The following FMN1 variants were observed in gnomAD, a reference collection of about 807,000 sequenced individuals.
The protein encoded by FMN1 is formin-1.
Under a neutral mutation model 132.4 loss-of-function variants are expected in FMN1, and 110 were observed. The observed-to-expected ratio is 0.83, with a 90% confidence interval of 0.71 to 0.97. FMN1 has a LOEUF of 0.97. Ranked by LOEUF, FMN1 falls within the 50% of genes least tolerant of loss-of-function variation. FMN1 has a pLI of 0.00. For synonymous variants in FMN1, 722 were observed against 651.7 expected (o/e 1.11, Z -1.64); for missense variants, 1,792 against 1,705.3 (o/e 1.05, Z -0.90).
chr15:32,964,825 T>C (rs937234118), intron 8 of FMN1, among the ~76,000 whole-genome samples: 8 of 152,184 alleles, frequency 5.3e-5, no homozygotes, highest in Admixed American at 3.9e-4. Flanking sequence ...ACATGATTCA[T>C]AGTATCTCAG....
rs1188521325 is a variant in FMN1, at chr15:32,990,222, A to G, written c.2223+17792T>C. On this transcript the variant is annotated intron_variant, in intron 7 of 20. Coordinates refer to ENST00000616417, the MANE Select transcript of FMN1 (RefSeq NM_001277313.2). ...AAGGGAAATCTCCAAGAGACAAAAT[A>G]TAAAAGGTCAGGTGACTAACCAGCC... 2.6e-5 allele frequency among the ~76,000 whole-genome samples: 4 copies of G among 152,202 alleles called. No homozygotes were observed. The East Asian group carries it at 5.8e-4, about 22-fold the overall frequency.
intron 10 of FMN1, among the ~76,000 whole-genome samples, chr15:32,915,735 A>C (rs929773433): frequency 2.6e-5 from 4 of 152,212 alleles, no homozygotes; most frequent in Non-Finnish European, 5.9e-5. Flanking sequence ...TCAAGTCCAC[A>C]AAGGGGAGAC....
At chr15:33,177,943 G>GGTTA (rs1965569931) in intron 3 of FMN1, among the ~76,000 whole-genome samples, 1 of 152,180 alleles carries the variant, frequency 6.6e-6, no homozygotes. Flanking sequence ...AGGAGGCAGA[G>GGTTA]GTTACAGTGA....
intron 9 of FMN1, among the ~76,000 whole-genome samples, chr15:32,935,090 T>G (rs915733422): frequency 2.0e-5 from 3 of 151,628 alleles, no homozygotes; most frequent in African/African-American, 7.3e-5. Flanking sequence ...CCTGGCTAAT[T>G]TTTTGTATTT....
At chr15:33,064,371 T>C (rs2037620219) in intron 6 of FMN1, 1 of 152,220 alleles carries the variant, frequency 6.6e-6, no homozygotes, top group African/African-American at 2.4e-5. Flanking sequence ...TCCACTTAAA[T>C]AGTAACCATA....
intron 17 of FMN1, among the ~76,000 whole-genome samples, chr15:32,835,009 G>C (rs1596041448): frequency 2.0e-5 from 3 of 152,216 alleles, no homozygotes; most frequent in South Asian, 4.1e-4. Context: ...CTCTCAGAGG[G>C]AAGGCATCAC....
chr15:33,164,745 T>C (rs1965030547), intron 3 of FMN1, among the ~76,000 whole-genome samples: 1 of 152,226 alleles, frequency 6.6e-6, no homozygotes, highest in Non-Finnish European at 1.5e-5. Context: ...CTACAGGAGA[T>C]GTATGAGTAT....
At chr15:32,966,761 T>C (rs1463560690) in intron 8 of FMN1, among the ~76,000 whole-genome samples, 1 of 152,228 alleles carries the variant, frequency 6.6e-6, no homozygotes, top group East Asian at 1.9e-4. Context: ...TATGATGCAA[T>C]CATTATATAA....
chr15:33,062,243 T>G (rs2037517555), intron 6 of FMN1, among the ~76,000 whole-genome samples: 1 of 152,184 alleles, frequency 6.6e-6, no homozygotes, highest in African/African-American at 2.4e-5. Context: ...ATAAAATACT[T>G]ATAGACAAAG....
chr15:33,059,412 G>A (rs1438042264), intron 6 of FMN1, among the ~76,000 whole-genome samples: 1 of 152,136 alleles, frequency 6.6e-6, no homozygotes, highest in Non-Finnish European at 1.5e-5. Context: ...TATATGCCCA[G>A]AAGTGTGATT....
chr15:33,064,883 G>T, intron 6 of FMN1, 74 bp downstream of exon 6: 1 of 999,776 alleles, frequency 1.0e-6, no homozygotes. Context: ...AATTCTGAGA[G>T]TCAACTAAGC....
intron 7 of FMN1, among the ~76,000 whole-genome samples, chr15:32,990,935 C>T (rs1203380894): frequency 2.6e-5 from 4 of 152,086 alleles, no homozygotes; most frequent in African/African-American, 9.7e-5. Flanking sequence ...TAATTACCTC[C>T]CACCAGGTTC....
intron 15 of FMN1, among the ~76,000 whole-genome samples, chr15:32,893,831 A>G (rs1373353206): frequency 2.6e-5 from 4 of 152,248 alleles, no homozygotes; most frequent in African/African-American, 9.6e-5. Context: ...TTCAACCACA[A>G]CTATATTCCA....
At chr15:32,958,959 C>T (rs770337641) in intron 9 of FMN1, among the ~76,000 whole-genome samples, 39 of 149,210 alleles carry the variant, frequency 2.6e-4, no homozygotes, top group Non-Finnish European at 5.3e-4. Context: ...GGACAATCGG[C>T]TTGAACCTGG....
At chr15:33,041,392 A>T (rs1157095404) in intron 6 of FMN1, among the ~76,000 whole-genome samples, 9 of 29,144 alleles carry the variant, frequency 3.1e-4, no homozygotes, top group East Asian at 3.6e-4. Context: ...TCACCAGTTA[A>T]AAAAAAAAAA....
chr15:33,172,927 T>C (rs1965383422), intron 3 of FMN1, among the ~76,000 whole-genome samples: 1 of 151,872 alleles, frequency 6.6e-6, no homozygotes, highest in Non-Finnish European at 1.5e-5. Context: ...AAGAAGAGAA[T>C]AGGGAAGGGA....
In FMN1 at chr15:32,842,591, A is replaced by G. The variant is rs536841035; in HGVS notation, c.3928+14424T>C. Reference sequence around the variant, plus strand: ...GTTCCTTTTGCTCATCATTGTATTCATAACATGCAGCACAGTGCCTAGAAC... The same window carrying G: ...GTTCCTTTTGCTCATCATTGTATTCGTAACATGCAGCACAGTGCCTAGAAC... On this transcript the variant is annotated intron_variant, in intron 17 of 20. Coordinates refer to ENST00000616417, the MANE Select transcript of FMN1 (RefSeq NM_001277313.2). 1.9e-3 allele frequency among the ~76,000 whole-genome samples: 276 copies of G among 145,380 alleles called. 4 individuals are homozygous for G. Among genetic ancestry groups the G allele is most frequent in the African/African-American group, 6.1e-3 (244 of 39,844 alleles).
In FMN1 at chr15:33,023,069, AAAAAAAAAG is replaced by A. The variant is rs1185674148; in HGVS notation, c.2162-15003_2162-14995del. ...TCCCCCTCCCCCACCCAAAAAAAAA[AAAAAAAAAG>A]AAAAAAAAGACCAAACCTCAAATCC... is the stretch of plus-strand genomic sequence containing the variant. On this transcript the variant is annotated intron_variant, in intron 6 of 20. Transcript: ENST00000616417. Among the ~76,000 whole-genome samples the A allele has an allele frequency of 2.7e-4, 17 of 63,670 alleles. 1 individual carries two copies. The South Asian group carries it at 5.0e-3, about 19-fold the overall frequency. 41.8% of individuals were successfully genotyped at this position (63,670 alleles called of 152,430 possible).
At chr15:33,015,385 G>A (rs1196000859) in intron 6 of FMN1, among the ~76,000 whole-genome samples, 3 of 152,266 alleles carry the variant, frequency 2.0e-5, no homozygotes, top group East Asian at 3.9e-4. Context: ...GGCTGGCACC[G>A]ACAAGTTCTG....
Sources: allele counts gnomAD v4.1 joint callset (sites outside exome capture counted in the v4.1 genomes callset), GRCh38; gene constraint gnomAD v4.1.1; transcripts MANE v1.5; gene names NCBI Gene and HGNC (gene_info 2026-07-23, HGNC 2026-07-21).